The following GREB1L variants were observed in gnomAD, a reference collection of about 807,000 sequenced individuals.
GREB1L encodes GREB1-like protein.
A neutral mutation model predicts 200.8 loss-of-function variants in GREB1L; 17 were observed. The ratio of observed to expected loss-of-function variants is 0.08; its 90% confidence interval spans 0.06 to 0.13. The LOEUF is 0.13. GREB1L is among the 10% of genes least tolerant of loss of function. The pLI is 1.00. For synonymous variants in GREB1L, 789 were observed against 893.0 expected (o/e 0.88, Z 2.08); for missense variants, 1,657 against 2,367.7 (o/e 0.70, Z 6.23).
chr18:21,360,352 G>A (rs1415932647), intron 1 of GREB1L, among the ~76,000 whole-genome samples: 5 of 152,104 alleles, frequency 3.3e-5, no homozygotes, highest in Non-Finnish European at 5.9e-5. Context: ...CTAAGTAGCT[G>A]GGAGTACAGG....
intron 1 of GREB1L, among the ~76,000 whole-genome samples, chr18:21,270,448 C>G (rs2038060351): frequency 6.6e-6 from 1 of 152,210 alleles, no homozygotes; most frequent in South Asian, 2.1e-4. Context: ...GGATTATCAT[C>G]TGTGGCTATT....
intron 1 of GREB1L, among the ~76,000 whole-genome samples, chr18:21,283,782 T>A (rs2038309897): frequency 6.6e-6 from 1 of 152,186 alleles, no homozygotes; most frequent in Non-Finnish European, 1.5e-5. Context: ...TAACTGTCTT[T>A]AGGATATGAA....
At chr18:21,268,520 TATACAC>T (rs1244832550) in intron 1 of GREB1L, among the ~76,000 whole-genome samples, 5 of 75,040 alleles carry the variant, frequency 6.7e-5, no homozygotes, top group South Asian at 9.8e-4. Context: ...TGTATATATA[TATACAC>T]ACACACACAC....
intron 25 of GREB1L, among the ~76,000 whole-genome samples, chr18:21,507,734 A>G (rs184477367): frequency 1.3e-5 from 2 of 152,346 alleles, no homozygotes; most frequent in East Asian, 1.9e-4. Flanking sequence ...TCTGACCCGC[A>G]TAGAGCAGAA....
intron 1 of GREB1L, among the ~76,000 whole-genome samples, chr18:21,273,306 T>C (rs1335253614): frequency 6.6e-6 from 1 of 152,186 alleles, no homozygotes; most frequent in African/African-American, 2.4e-5. Context: ...AATTAACATA[T>C]GTAGTAATAT....
chr18:21,359,559 C>T (rs983986241), intron 1 of GREB1L, among the ~76,000 whole-genome samples: 4 of 152,182 alleles, frequency 2.6e-5, no homozygotes, highest in Non-Finnish European at 5.9e-5. Context: ...TGATAATATA[C>T]ATTTTATAGC....
intron 1 of GREB1L, among the ~76,000 whole-genome samples, chr18:21,308,458 T>C (rs558116140): frequency 6.6e-6 from 1 of 152,322 alleles, no homozygotes; most frequent in South Asian, 2.1e-4. Flanking sequence ...GCCTCACACA[T>C]TTGCCAAAAC....
In GREB1L at chr18:21,374,012, T is replaced by C. The variant is rs528352771; in HGVS notation, c.-10+7876T>C. Among the ~76,000 whole-genome samples the C allele has an allele frequency of 1.3e-4, 20 of 152,252 alleles. No homozygotes were observed. In the East Asian group the frequency reaches 3.9e-3, roughly 29 times the overall value. On this transcript the variant is annotated intron_variant, in intron 2 of 32. Coordinates refer to ENST00000424526, the MANE Select transcript of GREB1L (RefSeq NM_001142966.3). The stretch of plus-strand genomic sequence containing the variant: ...CTAACATGCTTCATTAGTTCTTTTT[T>C]TTTTCTTCAGGCCAGGTTTCACTCT...
chr18:21,361,998 A>T (rs2039587175), intron 1 of GREB1L, among the ~76,000 whole-genome samples: 1 of 152,134 alleles, frequency 6.6e-6, no homozygotes, highest in Non-Finnish European at 1.5e-5. Context: ...TTGTTTATAA[A>T]GTCTCCTAGT....
chr18:21,399,645 A>G (rs1280606635), intron 5 of GREB1L, among the ~76,000 whole-genome samples: 2 of 152,190 alleles, frequency 1.3e-5, no homozygotes, highest in Non-Finnish European at 2.9e-5. Flanking sequence ...CTCTGAATAT[A>G]TTTTAAGTCA....
chr18:21,432,954 G>T (rs907836737), intron 7 of GREB1L, among the ~76,000 whole-genome samples: 1 of 151,758 alleles, frequency 6.6e-6, no homozygotes, highest in Non-Finnish European at 1.5e-5. Flanking sequence ...TAATCCACCC[G>T]CCTTGGCCTC....
rs530067271 is a variant in GREB1L, at chr18:21,496,201, A to G, written c.3147-253A>G. Among the ~76,000 whole-genome samples, 8 of 152,280 alleles carry G rather than the reference A, an allele frequency of 5.3e-5. No homozygotes were observed. The East Asian group carries it at 1.4e-3, about 26-fold the overall frequency. On this transcript the variant is annotated intron_variant, in intron 20 of 32. Coordinates refer to ENST00000424526, the MANE Select transcript of GREB1L (RefSeq NM_001142966.3). ...TCAGGCAGTGCCCTAAATGCCTTACATGTATTCAGTCCTTAAAACAACCAT... is the reference window on the plus strand; with the variant it reads ...TCAGGCAGTGCCCTAAATGCCTTACGTGTATTCAGTCCTTAAAACAACCAT...
At chr18:21,357,677 T>G (rs2039525101) in intron 1 of GREB1L, among the ~76,000 whole-genome samples, 1 of 152,210 alleles carries the variant, frequency 6.6e-6, no homozygotes, top group Non-Finnish European at 1.5e-5. Context: ...ATTTCATTGT[T>G]TTGCACCTGA....
intron 1 of GREB1L, among the ~76,000 whole-genome samples, chr18:21,330,323 C>T (rs2039089503): frequency 6.6e-6 from 1 of 152,212 alleles, no homozygotes; most frequent in East Asian, 1.9e-4. Context: ...TATTCAAGGT[C>T]ACTGTGGTAC....
At chr18:21,496,388 A>G in intron 20 of GREB1L, 66 bp from the exon 21 acceptor site, 1 of 1,509,002 alleles carries the variant, frequency 6.6e-7, no homozygotes, top group Non-Finnish European at 9.0e-7. Flanking sequence ...CCAGATCACC[A>G]GGCACACATA....
rs138782336 is a variant in GREB1L, at chr18:21,465,600, T to C, written c.2183-7431T>C. Among the ~76,000 whole-genome samples, 393 of 152,278 alleles carry C rather than the reference T, an allele frequency of 2.6e-3. 8 individuals carry two copies. The East Asian group carries it at 0.033, about 13-fold the overall frequency. On this transcript the variant is annotated intron_variant, in intron 15 of 32. Coordinates refer to ENST00000424526, the MANE Select transcript of GREB1L (RefSeq NM_001142966.3). ...AATCTAATTGAAGAGTATACAGGTA[T>C]TTATGACACTAGTCTTTCCATTTCT...
At chr18:21,449,170 G>A (rs889428757) in intron 11 of GREB1L, among the ~76,000 whole-genome samples, 1 of 152,156 alleles carries the variant, frequency 6.6e-6, no homozygotes, top group Non-Finnish European at 1.5e-5. Context: ...ATAATGCCAA[G>A]CTTAATAGGT....
chr18:21,525,601 A>ACTC lies in GREB1L; in HGVS notation c.*2781_*2783dup, dbSNP rs1442232670. On this transcript the variant is annotated 3_prime_UTR_variant, in exon 33 of 33. Coordinates refer to ENST00000424526, the MANE Select transcript of GREB1L (RefSeq NM_001142966.3). ...CTTTTATTTGACAGATTGCAACTAC[A>ACTC]CTCACTTTGATGTCCTTCTGGAAAC... Among the ~76,000 whole-genome samples the ACTC allele has an allele frequency of 6.6e-6, 1 of 152,156 alleles. No homozygotes were observed. Among genetic ancestry groups the ACTC allele is most frequent in the Non-Finnish European group, 1.5e-5 (1 of 68,036 alleles).
At chr18:21,327,917 T>C (rs183009437) in intron 1 of GREB1L, among the ~76,000 whole-genome samples, 9 of 152,162 alleles carry the variant, frequency 5.9e-5, no homozygotes, top group Non-Finnish European at 5.9e-5. Context: ...GGTTTCACCA[T>C]GTTGGCCAGA....
Sources: gnomAD v4.1 joint callset for allele counts (sites outside exome capture counted in the v4.1 genomes callset) on GRCh38, gnomAD v4.1.1 for gene constraint, MANE v1.5 for transcripts, NCBI Gene and HGNC (gene_info 2026-07-23, HGNC 2026-07-21) for gene names.